TRPA1: variants seen among roughly 807,000 people sequenced by gnomAD.
The protein encoded by TRPA1 is ankyrin-like with transmembrane domains 1.
Under a neutral mutation model 131.3 loss-of-function variants are expected in TRPA1, and 129 were observed. The ratio of observed to expected loss-of-function variants is 0.98; its 90% CI spans 0.85 to 1.14. The LOEUF (loss-of-function observed/expected upper bound fraction) is 1.14. TRPA1 is among the 50% of genes most tolerant of loss of function. The pLI, the probability that TRPA1 is intolerant of heterozygous loss-of-function variation, is 0.00. For missense variants in TRPA1, 1,304 were observed against 1,354.2 expected (o/e 0.96, Z 0.58); for synonymous variants, 441 against 451.7 (o/e 0.98, Z 0.30).
At chr8:72,041,306 C>T (rs1176190152) in intron 17 of TRPA1, 1 of 151,954 alleles carries the variant, frequency 6.6e-6, no homozygotes, top group Non-Finnish European at 1.5e-5. Context: ...ATAGAACAAC[C>T]AGACAGAAGT....
chr8:72,072,957 T>C (rs1179866031), intron 1 of TRPA1, among the ~76,000 whole-genome samples: 2 of 152,154 alleles, frequency 1.3e-5, no homozygotes, highest in African/African-American at 4.8e-5. Context: ...GTACCTGACG[T>C]TGTCAGGCTT....
chr8:72,068,157 G>A (rs988828806), intron 3 of TRPA1, among the ~76,000 whole-genome samples: 2 of 152,228 alleles, frequency 1.3e-5, no homozygotes, highest in Admixed American at 1.3e-4. Flanking sequence ...AGGGCTGAGA[G>A]AAAGTTTTCT....
the TRPA1 span, among the ~76,000 whole-genome samples, chr8:72,088,686 G>C: frequency 2.0e-5 from 3 of 151,956 alleles, no homozygotes; most frequent in Non-Finnish European, 4.4e-5. Context: ...GTTTAATATG[G>C]ATAAGTAATG....
chr8:72,077,763 G>T (rs1452741956), upstream of TRPA1, among the ~76,000 whole-genome samples: 1 of 151,912 alleles, frequency 6.6e-6, no homozygotes, highest in Non-Finnish European at 1.5e-5. Context: ...TGCAAATCTT[G>T]GTCTTAAAAT....
At chr8:72,056,800 A>C in intron 10 of TRPA1, 117 bp downstream of exon 10, 1 of 765,498 alleles carries the variant, frequency 1.3e-6, no homozygotes, top group Non-Finnish European at 2.2e-6. Context: ...CTTTATTTTA[A>C]AACATTTTTA....
chr8:72,021,533 C>T lies in TRPA1; in HGVS notation c.*1373G>A, dbSNP rs535153650. 6.6e-6 allele frequency: 1 copy of T among 152,252 alleles called. No homozygotes were observed. The highest frequency in any genetic ancestry group is 1.9e-4 in the East Asian group (1 of 5,174). The allele number at this position is 152,252 out of a possible 1,614,324, so 9.4% of individuals were successfully genotyped here. A position where few individuals can be genotyped will look rare whatever the true frequency, so the allele number is the denominator to read the frequency against. ...GGTATATGCAACATTGCCTCTAGGC[C>T]ATGTGATCTGTTGGACCATGAATGT... On this transcript the variant is annotated 3_prime_UTR_variant, in exon 27 of 27. Coordinates refer to ENST00000262209, the MANE Select transcript of TRPA1 (RefSeq NM_007332.3).
intron 14 of TRPA1, among the ~76,000 whole-genome samples, chr8:72,051,917 A>G (rs1461172141): frequency 6.6e-6 from 1 of 152,216 alleles, no homozygotes; most frequent in Non-Finnish European, 1.5e-5. Flanking sequence ...ACTAAAGATC[A>G]GAGAGGTTAA....
Position 72,039,031 on chromosome 8 carries a change from C to T in TRPA1, c.2133-4G>A, listed in dbSNP as rs757911647. ...AGCTCTAAATCCATAAGCCAACCTA[C>T]AAAAATATAAGCAAACCAGAATTGA... is the stretch of plus-strand genomic sequence containing the variant. On this transcript the variant is annotated splice_polypyrimidine_tract_variant and splice_region_variant and intron_variant, in intron 18 of 26. Transcript: ENST00000262209. The T allele has an allele frequency of 5.6e-6, 9 of 1,611,802 alleles. No homozygotes were observed. The highest frequency in any genetic ancestry group is 7.6e-6 in the Non-Finnish European group (9 of 1,179,030).
At chr8:72,062,585 T>C (rs1805833132) in intron 6 of TRPA1, among the ~76,000 whole-genome samples, 1 of 152,216 alleles carries the variant, frequency 6.6e-6, no homozygotes. Flanking sequence ...GTTGTATCTA[T>C]ATTTGTGTCT....
chr8:72,075,434 G>A lies in TRPA1; in HGVS notation c.-25C>T, dbSNP rs752090635. On this transcript the variant is annotated 5_prime_UTR_variant, in exon 1 of 27. Transcript: ENST00000262209. ...TTGACCCCACCCCGGACGCCACCTG[G>A]TGCAGCTGCTCACCACGCGCGCGGG... is the stretch of plus-strand genomic sequence containing the variant. The A allele has an allele frequency of 1.3e-6, 2 of 1,572,518 alleles. No homozygotes were observed. The highest frequency in any genetic ancestry group is 1.3e-5 in the African/African-American group (1 of 74,410).
At chr8:72,069,785 A>G (rs1806016571) in intron 2 of TRPA1, among the ~76,000 whole-genome samples, 1 of 152,124 alleles carries the variant, frequency 6.6e-6, no homozygotes, top group African/African-American at 2.4e-5. Context: ...CTACACACAC[A>G]CACAGGGAGA....
At chr8:72,069,305 G>A in intron 2 of TRPA1, 107 bp from the exon 3 acceptor site, 5 of 1,122,084 alleles carry the variant, frequency 4.5e-6, no homozygotes, top group Non-Finnish European at 6.7e-6. Flanking sequence ...AATGAAATCA[G>A]CTGCATCTTT....
At chr8:72,038,371 T>A (rs1812132691) in intron 19 of TRPA1, among the ~76,000 whole-genome samples, 1 of 151,992 alleles carries the variant, frequency 6.6e-6, no homozygotes, top group Admixed American at 6.6e-5. Flanking sequence ...AAAATACATA[T>A]AACAAAACTT....
At chr8:72,036,659 CCT>C (rs1364281025) in intron 20 of TRPA1, among the ~76,000 whole-genome samples, 1 of 152,126 alleles carries the variant, frequency 6.6e-6, no homozygotes, top group African/African-American at 2.4e-5. Context: ...GGCCCAGAGC[CCT>C]CTGTTAACCT....
At chr8:72,077,534 C>A (rs1043869808), upstream of TRPA1, among the ~76,000 whole-genome samples, 3 of 152,086 alleles carry the variant, frequency 2.0e-5, no homozygotes, top group Admixed American at 1.3e-4. Context: ...TTTTTTCCTG[C>A]TTTCTGCTTA....
At chr8:72,075,890 G>GTGTA (rs1415271330), upstream of TRPA1, among the ~76,000 whole-genome samples, 1 of 151,398 alleles carries the variant, frequency 6.6e-6, no homozygotes, top group African/African-American at 2.4e-5. Flanking sequence ...GTGTGTGTGT[G>GTGTA]TGTGTGTGTG....
chr8:72,059,214 C>T (rs1719624589), intron 8 of TRPA1, among the ~76,000 whole-genome samples, 176 bp downstream of exon 8: 2 of 152,190 alleles, frequency 1.3e-5, no homozygotes, highest in Admixed American at 6.5e-5. Context: ...TTGGCTGTTA[C>T]GTATTCATAT....
chr8:72,022,219 T>G lies in TRPA1; in HGVS notation c.*687A>C, dbSNP rs1406756991. 6.5e-6 allele frequency: 1 copy of G among 154,124 alleles called. No homozygotes were observed. Among genetic ancestry groups the G allele is most frequent in the Admixed American group, 6.4e-5 (1 of 15,614 alleles). 9.5% of individuals were successfully genotyped at this position (154,124 alleles called of 1,614,324 possible). ...AGGGATACTATATAGGTTTTACATT[T>G]ATTATGCTCATTGGCAAACAAAACC... On this transcript the variant is annotated 3_prime_UTR_variant, in exon 27 of 27. Transcript: ENST00000262209.
the TRPA1 span, among the ~76,000 whole-genome samples, chr8:72,080,950 T>C: frequency 0.02 from 2,994 of 151,894 alleles, 28 homozygotes; most frequent in Middle Eastern, 0.031. Flanking sequence ...TCCTAGCTAA[T>C]AGTTTATCAG....
Sources: allele counts gnomAD v4.1 joint callset (sites outside exome capture counted in the v4.1 genomes callset), GRCh38; gene constraint gnomAD v4.1.1; transcripts MANE v1.5; gene names NCBI Gene and HGNC (gene_info 2026-07-23, HGNC 2026-07-21).